MLLT6: variants seen among roughly 807,000 people sequenced by gnomAD.
The protein encoded by MLLT6 is MLLT6, PHD finger containing, also known as protein AF-17.
Under a neutral mutation model 103.0 loss-of-function variants are expected in MLLT6, and 22 were observed. The observed-to-expected ratio is 0.21, with a 90% CI of 0.15 to 0.31. MLLT6 has a LOEUF of 0.31. Ranked by LOEUF, MLLT6 falls within the 10% of genes least tolerant of loss-of-function variation. MLLT6 has a pLI of 1.00. For synonymous variants in MLLT6, 606 were observed against 623.5 expected, an observed-to-expected ratio of 0.97 and a Z score of 0.42; for missense variants, 1,199 against 1,441.7, an observed-to-expected ratio of 0.83 and a Z score of 2.73.
chr17:38,722,346 G>C (rs1905804392), intron 17 of MLLT6, 119 bp downstream of exon 17: 1 of 768,032 alleles, frequency 1.3e-6, no homozygotes. Context: ...TGGTCTCACA[G>C]GGTATATAAT....
chr17:38,721,044 G>A, intron 16 of MLLT6: 1 of 506,982 alleles, frequency 2.0e-6, no homozygotes, highest in Admixed American at 3.8e-5. Flanking sequence ...AGAAATTGAG[G>A]GCTGTGAGAG....
intron 4 of MLLT6, 84 bp downstream of exon 4, chr17:38,707,956 A>G: frequency 4.3e-6 from 4 of 919,696 alleles, no homozygotes; most frequent in Non-Finnish European, 7.0e-6. Flanking sequence ...GTGTAATTTG[A>G]TTCTGTCCAA....
chr17:38,713,749 T>C (rs2143680672), intron 8 of MLLT6: 1 of 152,524 alleles, frequency 6.6e-6, no homozygotes, highest in African/African-American at 2.4e-5. Flanking sequence ...CCCTTGGACA[T>C]GCCAGAGAAC....
intron 2 of MLLT6, 85 bp downstream of exon 2, chr17:38,707,114 G>A (rs1021547202): frequency 7.5e-6 from 9 of 1,204,310 alleles, no homozygotes; most frequent in South Asian, 1.4e-5. Flanking sequence ...CTCTGAGGCC[G>A]AGGCTAGGGT....
At position 38,729,436 on chromosome 17, in the gene MLLT6, A is replaced by G; in HGVS notation, c.*3838A>G. 4.3e-6 allele frequency: 1 copy of G among 233,592 alleles called. No homozygotes were observed. The highest frequency in any genetic ancestry group is 6.0e-5 in the East Asian group (1 of 16,592). The allele number at this position is 233,592 out of a possible 1,614,324, so 14.5% of individuals were successfully genotyped here. On this transcript the variant is annotated 3_prime_UTR_variant, in exon 20 of 20. Coordinates refer to ENST00000621332, the MANE Select transcript of MLLT6 (RefSeq NM_005937.4). Reference sequence around the variant, plus strand: ...AAGTTGGGAACTGAGGGGTGCCTTCATTCCCCTTTGTTCACTTTCTCCAGC... The same window carrying G: ...AAGTTGGGAACTGAGGGGTGCCTTCGTTCCCCTTTGTTCACTTTCTCCAGC...
intron 2 of MLLT6, among the ~76,000 whole-genome samples, 154 bp downstream of exon 2, chr17:38,707,183 C>A (rs1267432122): frequency 6.6e-6 from 1 of 152,180 alleles, no homozygotes; most frequent in Middle Eastern, 3.2e-3. Context: ...CCAACCTCAT[C>A]TCTGCCTCAC....
At position 38,705,695 on chromosome 17, in the gene MLLT6, G is replaced by T. The variant is rs770620120; in HGVS notation, c.63G>T (p.Pro21=). The T allele has an allele frequency of 1.9e-6, 3 of 1,565,216 alleles. No homozygotes were observed. The highest frequency in any genetic ancestry group is 2.6e-6 in the Non-Finnish European group (3 of 1,154,078). The change falls in exon 1 of 20, where the codon CCG becomes CCT. Residue 21 remains proline (P), a synonymous_variant. Coordinates refer to ENST00000621332, the MANE Select transcript of MLLT6 (RefSeq NM_005937.4). ...ACGAGAGGGGCTGGGCCGAGAACCC[G>T]CTGGTCTACTGCGATGGGCACGCGT... is the stretch of plus-strand genomic sequence containing the variant. The part of the protein sequence containing the change: ...CSDERGWAEN[P]LVYCDGHACS...
In MLLT6 at chr17:38,729,477, G is replaced by C. The variant is rs1906206600; in HGVS notation, c.*3879G>C. On this transcript the variant is annotated 3_prime_UTR_variant, in exon 20 of 20. Coordinates refer to ENST00000621332, the MANE Select transcript of MLLT6 (RefSeq NM_005937.4). Reference sequence around the variant, plus strand: ...TTTCTCCAGCTCAACTTGGGACTTGGGTGGTGGGACTGGAGACCTCACCCC... The same window carrying C: ...TTTCTCCAGCTCAACTTGGGACTTGCGTGGTGGGACTGGAGACCTCACCCC... 1 of 233,464 alleles carries C rather than the reference G, an allele frequency of 4.3e-6. No individual in the cohort carries two copies. Among genetic ancestry groups the C allele is most frequent in the Non-Finnish European group, 8.5e-6 (1 of 118,034 alleles). 14.5% of individuals were successfully genotyped at this position (233,464 alleles called of 1,614,324 possible). A position where few individuals can be genotyped will look rare whatever the true frequency, so the allele number is the denominator to read the frequency against.
intron 18 of MLLT6, among the ~76,000 whole-genome samples, chr17:38,723,258 G>A (rs571796483): frequency 3.3e-5 from 5 of 152,274 alleles, no homozygotes; most frequent in South Asian, 2.1e-4. Flanking sequence ...ATCCAAGCAC[G>A]GAAGACTGAG....
Position 38,728,946 on chromosome 17 carries a change from C to T in MLLT6, c.*3348C>T, listed in dbSNP as rs1008975137. ...TGTGGGGTATTTTCCCCCTCAGGCT[C>T]CTGGGTCTGCTGCTGCCTCAAGGTG... is the stretch of plus-strand genomic sequence containing the variant. On this transcript the variant is annotated 3_prime_UTR_variant, in exon 20 of 20. Transcript: ENST00000621332. The T allele has an allele frequency of 4.3e-6, 1 of 233,714 alleles. No individual in the cohort carries two copies. Among genetic ancestry groups the T allele is most frequent in the South Asian group, 1.8e-4 (1 of 5,538 alleles). 14.5% of individuals were successfully genotyped at this position (233,714 alleles called of 1,614,324 possible).
In MLLT6 at chr17:38,712,008, G is replaced by A. The variant is rs1394343276; in HGVS notation, c.714G>A (p.Gln238=). The A allele has an allele frequency of 1.9e-6, 3 of 1,564,944 alleles. No individual in the cohort carries two copies. In the African/African-American group the frequency reaches 4.1e-5, roughly 21 times the overall value. ...ACCCCACCCACCACGAGAGGGGCCAGAAGAAGGTAGAAGTCCTCCCCCACC... is the reference window on the plus strand; with the variant it reads ...ACCCCACCCACCACGAGAGGGGCCAAAAGAAGGTAGAAGTCCTCCCCCACC... ...EKHPTHHERG[Q]KKSRKDKERL... The change falls in exon 7 of 20, where the codon CAG becomes CAA. Residue 238 remains glutamine (Q), a synonymous_variant. Transcript: ENST00000621332.
In MLLT6 at chr17:38,716,704, C is replaced by T; in HGVS notation, c.1374C>T (p.Thr458=). The change falls in exon 10 of 20, where the codon ACC becomes ACT. Residue 458 remains threonine (T), a synonymous_variant. Transcript: ENST00000621332. This position sits in a 1 kb window ranked among gnomAD's most constrained non-coding sequence, Gnocchi z 5.6. ...CCACCCCTGTGCCTGCTGATGAGAC[C>T]CCTGAGACAGGCCTGAAGGAGAAGA... ...LSATPVPADE[T]PETGLKEKKH... 1 of 1,612,044 alleles carries T rather than the reference C, an allele frequency of 6.2e-7. No homozygotes were observed. The highest frequency in any genetic ancestry group is 8.5e-7 in the Non-Finnish European group (1 of 1,179,302).
chr17:38,708,034 C>T, intron 4 of MLLT6, 162 bp downstream of exon 4: 1 of 610,690 alleles, frequency 1.6e-6, no homozygotes, highest in Non-Finnish European at 3.0e-6. Flanking sequence ...TGTTGACAGA[C>T]ACACTCATGC....
intron 10 of MLLT6, 29 bp from the exon 11 acceptor site, chr17:38,717,403 C>T (rs144272033): frequency 1.2e-5 from 18 of 1,535,936 alleles, no homozygotes; most frequent in African/African-American, 6.9e-5. Flanking sequence ...AGAGTAACCA[C>T]GTGCTTCCCT....
chr17:38,721,251 C>T (rs1372310893), intron 16 of MLLT6: 1 of 175,098 alleles, frequency 5.7e-6, no homozygotes, highest in Non-Finnish European at 1.2e-5. Flanking sequence ...CTCTCTCTGC[C>T]ATTTATTAAC....
intron 6 of MLLT6, among the ~76,000 whole-genome samples, chr17:38,710,105 C>T (rs976650686): frequency 5.9e-5 from 9 of 152,172 alleles, no homozygotes; most frequent in African/African-American, 1.9e-4. Context: ...TCCTCAGGAG[C>T]CTGCCAAACA....
chr17:38,721,861 T>TC lies in MLLT6; in HGVS notation c.2443-12dup. On this transcript the variant is annotated splice_polypyrimidine_tract_variant and intron_variant, in intron 16 of 19. Coordinates refer to ENST00000621332, the MANE Select transcript of MLLT6 (RefSeq NM_005937.4). ...CATGCTGGCCCTCTGACCCCTCCCT[T>TC]CCCCCTCCCTCCCCAGGACCCACAC... is the stretch of plus-strand genomic sequence containing the variant. The TC allele has an allele frequency of 1.3e-6, 2 of 1,523,682 alleles. No homozygotes were observed. Among genetic ancestry groups the TC allele is most frequent in the East Asian group, 2.5e-5 (1 of 39,298 alleles). 94.4% of individuals were successfully genotyped at this position (1,523,682 alleles called of 1,614,324 possible).
rs1027537803 is a variant in MLLT6, at chr17:38,717,688, T to C, written c.1833+75T>C. The C allele has an allele frequency of 5.2e-6, 8 of 1,535,224 alleles. No individual in the cohort carries two copies. The African/African-American group carries it at 8.3e-5, about 16-fold the overall frequency. ...ACTGACAGAGGACCCCAGCCTTCCA[T>C]GGGAATTGGAGCAACTGGGCTGAGT... On this transcript the variant is annotated intron_variant, in intron 11 of 19. Coordinates refer to ENST00000621332, the MANE Select transcript of MLLT6 (RefSeq NM_005937.4).
chr17:38,705,873 G>T (rs1904890756), intron 1 of MLLT6, 132 bp downstream of exon 1: 11 of 306,088 alleles, frequency 3.6e-5, no homozygotes, highest in East Asian at 1.7e-4. Flanking sequence ...GAAGGGAGGC[G>T]TAGGGGGAGC....
Sources: allele counts gnomAD v4.1 joint callset (sites outside exome capture counted in the v4.1 genomes callset), GRCh38; gene constraint gnomAD v4.1.1; non-coding constraint Gnocchi (gnomAD v3.1); transcripts MANE v1.5; gene names NCBI Gene and HGNC (gene_info 2026-07-23, HGNC 2026-07-21).